Variants in FRA10AC1 observed in about 807,000 individuals in gnomAD.
The protein encoded by FRA10AC1 is protein FRA10AC1.
Under a neutral mutation model 56.5 loss-of-function variants are expected in FRA10AC1, and 43 were observed. The observed-to-expected ratio is 0.76, with a 90% CI of 0.60 to 0.98. The LOEUF (loss-of-function observed/expected upper bound fraction) is 0.98. FRA10AC1 is among the 50% of genes least tolerant of loss of function. The pLI, the probability that FRA10AC1 is intolerant of heterozygous loss-of-function variation, is 0.00. For missense variants in FRA10AC1, 346 were observed against 351.8 expected, an observed-to-expected ratio of 0.98 and a Z score of 0.13; for synonymous variants, 112 against 110.5, an observed-to-expected ratio of 1.01 and a Z score of -0.09.
intron 4 of FRA10AC1, among the ~76,000 whole-genome samples, chr10:93,696,363 T>C (rs563812602): frequency 6.6e-6 from 1 of 152,144 alleles, no homozygotes; most frequent in East Asian, 1.9e-4. Flanking sequence ...CAAGACAACT[T>C]TGAGACAATA....
chr10:93,688,963 G>A (rs1318944707), intron 7 of FRA10AC1, among the ~76,000 whole-genome samples: 6 of 152,032 alleles, frequency 3.9e-5, no homozygotes, highest in Non-Finnish European at 8.8e-5. Flanking sequence ...GTATAAAAAT[G>A]GAAATAGTAA....
chr10:93,683,356 CTT>C (rs35621433), intron 10 of FRA10AC1, among the ~76,000 whole-genome samples: 16 of 148,502 alleles, frequency 1.1e-4, no homozygotes, highest in Non-Finnish European at 1.0e-4. Context: ...CTGATTTTAA[CTT>C]TTTTTTTTTT....
At chr10:93,681,126 C>G (rs1014955152) in intron 11 of FRA10AC1, among the ~76,000 whole-genome samples, 4 of 152,192 alleles carry the variant, frequency 2.6e-5, no homozygotes, top group African/African-American at 9.6e-5. Flanking sequence ...TAAGCTTGAC[C>G]AGTATGAAGG....
chr10:93,685,955 T>C (rs1002046834), intron 8 of FRA10AC1, among the ~76,000 whole-genome samples: 15 of 151,930 alleles, frequency 9.9e-5, no homozygotes, highest in African/African-American at 3.6e-4. Flanking sequence ...TAGAATAACT[T>C]GACACTATTA....
intron 11 of FRA10AC1, among the ~76,000 whole-genome samples, chr10:93,679,674 T>C (rs940740135): frequency 2.0e-5 from 3 of 152,184 alleles, no homozygotes; most frequent in Non-Finnish European, 4.4e-5. Context: ...GAGAACCTTT[T>C]AGCTTTGTCC....
At chr10:93,695,010 G>GT in intron 4 of FRA10AC1, 73 bp from the exon 5 acceptor site, 1 of 766,672 alleles carries the variant, frequency 1.3e-6, no homozygotes, top group Non-Finnish European at 2.2e-6. Context: ...CTGATTGGTG[G>GT]TAAAAAAAAG....
chr10:93,679,031 G>A lies in FRA10AC1; in HGVS notation c.788-2340C>T, dbSNP rs138623216. On this transcript the variant is annotated intron_variant, in intron 11 of 13. Coordinates refer to ENST00000359204, the MANE Select transcript of FRA10AC1 (RefSeq NM_145246.5). ...CAAATCAATGATAAAGCTAATTCTA[G>A]ATGATCCCAGATAAGATATTAAAGA... 6.4e-3 allele frequency among the ~76,000 whole-genome samples: 974 copies of A among 152,250 alleles called. 1 individual carries two copies. The highest frequency in any genetic ancestry group is 0.01 in the Non-Finnish European group (688 of 68,006).
chr10:93,676,397 T>A (rs528093580), intron 12 of FRA10AC1, among the ~76,000 whole-genome samples: 1 of 152,286 alleles, frequency 6.6e-6, no homozygotes, highest in African/African-American at 2.4e-5. Context: ...AACATGAAAT[T>A]GAAAGATATA....
At position 93,669,750 on chromosome 10, in the gene FRA10AC1, A is replaced by G; in HGVS notation, c.*76T>C. On this transcript the variant is annotated 3_prime_UTR_variant, in exon 14 of 14. Coordinates refer to ENST00000359204, the MANE Select transcript of FRA10AC1 (RefSeq NM_145246.5). ...CTGTAACTTGCAGATAAAAACTTATATGGAATTTCAAATTGCATGAAGTTT... is the reference window on the plus strand; with the variant it reads ...CTGTAACTTGCAGATAAAAACTTATGTGGAATTTCAAATTGCATGAAGTTT... The G allele has an allele frequency of 1.0e-6, 1 of 960,354 alleles. No homozygotes were observed. Among genetic ancestry groups the G allele is most frequent in the Non-Finnish European group, 1.6e-6 (1 of 625,884 alleles). 59.5% of individuals were successfully genotyped at this position (960,354 alleles called of 1,614,324 possible).
At chr10:93,697,559 A>T (rs2059253900) in intron 4 of FRA10AC1, among the ~76,000 whole-genome samples, 1 of 152,214 alleles carries the variant, frequency 6.6e-6, no homozygotes, top group Non-Finnish European at 1.5e-5. Flanking sequence ...AGTTAGTGTC[A>T]TCAGCCAGTC....
chr10:93,691,123 T>G (rs529756400), intron 7 of FRA10AC1, among the ~76,000 whole-genome samples: 3 of 152,306 alleles, frequency 2.0e-5, no homozygotes, highest in Admixed American at 6.5e-5. Context: ...CATTTCTAAC[T>G]GAGATCTGCT....
chr10:93,678,488 G>A lies in FRA10AC1; in HGVS notation c.788-1797C>T, dbSNP rs566407949. ...CTAGAGAAATCTAGGTAAGAGCCCCGAGGAACTCTAACAGCTAAATGTAAG... is the reference window on the plus strand; with the variant it reads ...CTAGAGAAATCTAGGTAAGAGCCCCAAGGAACTCTAACAGCTAAATGTAAG... On this transcript the variant is annotated intron_variant, in intron 11 of 13. Transcript: ENST00000359204. Among the ~76,000 whole-genome samples, 15 of 152,218 alleles carry A rather than the reference G, an allele frequency of 9.9e-5. No individual in the cohort carries two copies. In the South Asian group the frequency reaches 2.1e-3, roughly 21 times the overall value.
At chr10:93,687,301 TAATAATTTCTTGTATATGTTAGGAATG>T in intron 8 of FRA10AC1, 76 bp downstream of exon 8, 1 of 905,830 alleles carries the variant, frequency 1.1e-6, no homozygotes, top group Non-Finnish European at 1.6e-6. Context: ...CTTTTGTAGC[TAATAATTTCTTGTATATGTTAGGAATG>T]ATCTTAATGA....
At chr10:93,690,301 G>A (rs2059104566) in intron 7 of FRA10AC1, among the ~76,000 whole-genome samples, 2 of 152,070 alleles carry the variant, frequency 1.3e-5, no homozygotes, top group South Asian at 2.1e-4. Flanking sequence ...CAGAATCTGC[G>A]AGTCATATCG....
At chr10:93,690,369 T>C (rs1170468509) in intron 7 of FRA10AC1, among the ~76,000 whole-genome samples, 3 of 152,146 alleles carry the variant, frequency 2.0e-5, no homozygotes, top group Non-Finnish European at 2.9e-5. Flanking sequence ...AGCAGGAAAA[T>C]ACACATTTTT....
chr10:93,691,985 T>C, intron 7 of FRA10AC1, 24 bp downstream of exon 7: 1 of 1,559,990 alleles, frequency 6.4e-7, no homozygotes, highest in Non-Finnish European at 8.7e-7. Flanking sequence ...AGAACCTCTT[T>C]CCATAAATAT....
chr10:93,673,532 T>C, intron 12 of FRA10AC1: 1 of 364,306 alleles, frequency 2.7e-6, no homozygotes, highest in East Asian at 7.3e-5. Flanking sequence ...ATCTTGGTTT[T>C]TGTGGATATT....
chr10:93,682,511 A>C (rs1382554024), intron 10 of FRA10AC1, among the ~76,000 whole-genome samples: 1 of 152,162 alleles, frequency 6.6e-6, no homozygotes, highest in East Asian at 1.9e-4. Context: ...GTAATCCAAA[A>C]AAGTTCTGGC....
chr10:93,692,928 G>A (rs976754117), intron 5 of FRA10AC1, among the ~76,000 whole-genome samples, 199 bp from the exon 6 acceptor site: 6 of 151,978 alleles, frequency 3.9e-5, no homozygotes, highest in Admixed American at 3.9e-4. Flanking sequence ...TACTACAGAA[G>A]CAAGTTAAAT....
Sources: allele counts gnomAD v4.1 joint callset (sites outside exome capture counted in the v4.1 genomes callset), GRCh38; gene constraint gnomAD v4.1.1; transcripts MANE v1.5; gene names NCBI Gene and HGNC (gene_info 2026-07-23, HGNC 2026-07-21).